Variants in KCNIP4 observed in about 807,000 individuals in gnomAD.
KCNIP4 encodes the protein potassium voltage-gated channel interacting protein 4, also known as Kv channel-interacting protein 4.
A neutral mutation model predicts 34.0 loss-of-function variants in KCNIP4; 12 were observed. The ratio of observed to expected loss-of-function variants is 0.35; its 90% CI spans 0.23 to 0.57. KCNIP4 has a LOEUF of 0.57. Among genes scored for constraint, KCNIP4 ranks in the 20% least tolerant of loss-of-function variants. The pLI, the probability that KCNIP4 is intolerant of heterozygous loss-of-function variation, is 0.83. For missense variants in KCNIP4, 238 were observed against 311.7 expected, an observed-to-expected ratio of 0.76 and a Z score of 1.78; for synonymous variants, 124 against 102.2, an observed-to-expected ratio of 1.21 and a Z score of -1.29.
Position 21,419,120 on chromosome 4 carries a change from A to G in KCNIP4, c.61+529451T>C, listed in dbSNP as rs565492606. ...CAAGGTTGATGCATCCTTCTGCTGC[A>G]GTTGCCATTCTGCCATATTATATTT... On this transcript the variant is annotated intron_variant, in intron 1 of 8. Transcript: ENST00000382152. Among the ~76,000 whole-genome samples the G allele has an allele frequency of 2.6e-5, 4 of 152,308 alleles. No individual in the cohort carries two copies. The East Asian group carries it at 5.8e-4, about 22-fold the overall frequency.
chr4:20,965,703 T>G (rs1323928980), intron 1 of KCNIP4, among the ~76,000 whole-genome samples: 1 of 152,196 alleles, frequency 6.6e-6, no homozygotes, highest in African/African-American at 2.4e-5. Flanking sequence ...TGAAATATAT[T>G]AGCTAGGCAG....
At chr4:21,263,724 C>T (rs1474645817) in intron 1 of KCNIP4, among the ~76,000 whole-genome samples, 1 of 152,176 alleles carries the variant, frequency 6.6e-6, no homozygotes, top group South Asian at 2.1e-4. Context: ...CTAGAGTGAT[C>T]GTAGCTCACT....
At chr4:20,881,361 C>A (rs1228545665) in intron 2 of KCNIP4, among the ~76,000 whole-genome samples, 1 of 152,066 alleles carries the variant, frequency 6.6e-6, no homozygotes, top group Non-Finnish European at 1.5e-5. Flanking sequence ...TGAGTTCCTA[C>A]AAAATGGTGT....
intron 1 of KCNIP4, among the ~76,000 whole-genome samples, chr4:21,400,519 T>TCTTCTCTTCTCTTCTCTTCC (rs1723431720): frequency 4.3e-5 from 2 of 46,238 alleles, no homozygotes; most frequent in African/African-American, 1.9e-4. Context: ...CTTCCTCTTC[T>TCTTCTCTTCTCTTCTCTTCC]CTTCTCTTCT....
At chr4:21,108,613 C>A (rs1748818875) in intron 1 of KCNIP4, among the ~76,000 whole-genome samples, 1 of 151,716 alleles carries the variant, frequency 6.6e-6, no homozygotes, top group African/African-American at 2.4e-5. Flanking sequence ...AAGTCATTCT[C>A]CATCCAGCTT....
At chr4:21,946,390 T>C (rs1730513661) in intron 1 of KCNIP4, among the ~76,000 whole-genome samples, 1 of 152,134 alleles carries the variant, frequency 6.6e-6, no homozygotes, top group African/African-American at 2.4e-5. Context: ...TAGTACAAGA[T>C]AGTTTGGGAG....
At chr4:21,058,189 AG>A (rs1199085162) in intron 1 of KCNIP4, among the ~76,000 whole-genome samples, 2 of 152,166 alleles carry the variant, frequency 1.3e-5, no homozygotes, top group African/African-American at 4.8e-5. Context: ...AAATGAGGAA[AG>A]ATGCAAACTT....
intron 1 of KCNIP4, among the ~76,000 whole-genome samples, chr4:21,615,545 CA>C (rs1744533228): frequency 8.1e-6 from 1 of 123,130 alleles, no homozygotes; most frequent in South Asian, 2.9e-4. Flanking sequence ...GACTCCGCCT[CA>C]AAAAAACAAA....
At chr4:21,141,386 A>T (rs1026921799) in intron 1 of KCNIP4, among the ~76,000 whole-genome samples, 2 of 152,216 alleles carry the variant, frequency 1.3e-5, no homozygotes, top group Non-Finnish European at 2.9e-5. Flanking sequence ...CTGTCTTTTC[A>T]TAACAAGTAC....
chr4:21,592,744 T>C (rs959131690), intron 1 of KCNIP4, among the ~76,000 whole-genome samples: 1 of 152,114 alleles, frequency 6.6e-6, no homozygotes, highest in Non-Finnish European at 1.5e-5. Context: ...GCAGGCCTAA[T>C]TGATAATTTT....
chr4:21,333,408 GA>G lies in KCNIP4; in HGVS notation c.62-450700del, dbSNP rs1715849912. 4.1e-5 allele frequency among the ~76,000 whole-genome samples: 6 copies of G among 146,082 alleles called. No homozygotes were observed. In the South Asian group the frequency reaches 1.3e-3, roughly 32 times the overall value. ...AAAAAAAAATCAGTAAGCCTTAATT[GA>G]ACAACTACTTTCTGCACACAGATAT... is the stretch of plus-strand genomic sequence containing the variant. On this transcript the variant is annotated intron_variant, in intron 1 of 8. Transcript: ENST00000382152.
At chr4:21,770,461 G>C (rs1475692966) in intron 1 of KCNIP4, among the ~76,000 whole-genome samples, 4 of 152,058 alleles carry the variant, frequency 2.6e-5, no homozygotes, top group Non-Finnish European at 5.9e-5. Flanking sequence ...ATTCCTTTGA[G>C]TATATACCCA....
At chr4:21,105,551 C>T (rs200658281) in intron 1 of KCNIP4, among the ~76,000 whole-genome samples, 21,789 of 151,494 alleles carry the variant, frequency 0.14, 1,891 homozygotes, top group East Asian at 0.23. Context: ...ACAGGGACAA[C>T]TTGACTTCCT....
At chr4:21,221,765 G>A (rs1451507157) in intron 1 of KCNIP4, among the ~76,000 whole-genome samples, 1 of 152,112 alleles carries the variant, frequency 6.6e-6, no homozygotes, top group Non-Finnish European at 1.5e-5. Flanking sequence ...AGAAGAGAAG[G>A]TATGCATTTC....
intron 1 of KCNIP4, among the ~76,000 whole-genome samples, chr4:21,920,369 C>T (rs551804051): frequency 6.6e-6 from 1 of 152,232 alleles, no homozygotes; most frequent in Admixed American, 6.5e-5. Flanking sequence ...AGAATTACAA[C>T]TGTTTACACA....
At chr4:21,347,907 T>G (rs919620219) in intron 1 of KCNIP4, among the ~76,000 whole-genome samples, 1 of 152,152 alleles carries the variant, frequency 6.6e-6, no homozygotes, top group Non-Finnish European at 1.5e-5. Context: ...ATCTACATGA[T>G]AGAATCAGAA....
At chr4:21,884,956 C>CG (rs571962348) in intron 1 of KCNIP4, among the ~76,000 whole-genome samples, 7 of 151,858 alleles carry the variant, frequency 4.6e-5, no homozygotes, top group Admixed American at 1.3e-4. Context: ...TAGCCTCCCC[C>CG]CCACTACTGT....
chr4:21,290,742 G>A (rs188556293), intron 1 of KCNIP4, among the ~76,000 whole-genome samples: 50 of 152,290 alleles, frequency 3.3e-4, no homozygotes, highest in African/African-American at 1.1e-3. Flanking sequence ...AGAAGGGGCA[G>A]AAGTCTGGGA....
chr4:21,157,513 G>C (rs1354009833), intron 1 of KCNIP4, among the ~76,000 whole-genome samples: 1 of 151,518 alleles, frequency 6.6e-6, no homozygotes, highest in Admixed American at 6.6e-5. Flanking sequence ...CTGGCCATTA[G>C]GTAAAATAGA....
Sources: gnomAD v4.1 joint callset for allele counts (sites outside exome capture counted in the v4.1 genomes callset) on GRCh38, gnomAD v4.1.1 for gene constraint, MANE v1.5 for transcripts, NCBI Gene and HGNC (gene_info 2026-07-23, HGNC 2026-07-21) for gene names.